GTF2F2: variants seen among roughly 807,000 people sequenced by gnomAD.
The protein encoded by GTF2F2 is general transcription factor IIF subunit 2, also known as ATP-dependent helicase GTF2F2.
GTF2F2 carries 23 observed loss-of-function variants against 42.2 expected under a neutral mutation model. The observed-to-expected ratio is 0.55, with a 90% CI of 0.39 to 0.77. The LOEUF (loss-of-function observed/expected upper bound fraction) is 0.77. Among genes scored for constraint, GTF2F2 ranks in the 30% least tolerant of loss-of-function variants. The pLI is 0.00. For synonymous variants in GTF2F2, 105 were observed against 100.8 expected (o/e 1.04, Z -0.25); for missense variants, 261 against 287.2 (o/e 0.91, Z 0.66).
chr13:45,196,541 G>A lies in GTF2F2; in HGVS notation c.305-10883G>A, dbSNP rs561395646. 4.6e-5 allele frequency among the ~76,000 whole-genome samples: 7 copies of A among 152,320 alleles called. No homozygotes were observed. In the South Asian group the frequency reaches 1.2e-3, roughly 27 times the overall value. On this transcript the variant is annotated intron_variant, in intron 4 of 7. Transcript: ENST00000340473. ...TGTGTTACCATTACAAATAGTCACT[G>A]CACATGAGTAGCATCATATAATAGC...
intron 1 of GTF2F2, among the ~76,000 whole-genome samples, chr13:45,124,323 C>T (rs960821775): frequency 3.4e-4 from 51 of 151,184 alleles, no homozygotes; most frequent in Non-Finnish European, 6.7e-4. Context: ...ACCTTGTGAT[C>T]CACCCGCCTC....
intron 5 of GTF2F2, among the ~76,000 whole-genome samples, chr13:45,212,481 T>C (rs1331049113): frequency 2.4e-5 from 3 of 125,140 alleles, no homozygotes; most frequent in African/African-American, 8.9e-5. Flanking sequence ...CTTTCTTTCT[T>C]TCTTTCTTTC....
intron 4 of GTF2F2, among the ~76,000 whole-genome samples, chr13:45,162,433 G>T (rs899136234): frequency 1.9e-4 from 29 of 152,178 alleles, no homozygotes; most frequent in Admixed American, 1.9e-3. Context: ...ATACTTGTGA[G>T]GAGGAACAAA....
chr13:45,172,910 A>G (rs554941263), intron 4 of GTF2F2, among the ~76,000 whole-genome samples: 2 of 151,672 alleles, frequency 1.3e-5, no homozygotes, highest in South Asian at 4.2e-4. Context: ...TTTTTTTTTC[A>G]TGATTGTTGA....
At chr13:45,279,014 A>T (rs757920324) in intron 7 of GTF2F2, among the ~76,000 whole-genome samples, 4 of 151,252 alleles carry the variant, frequency 2.6e-5, no homozygotes, top group Non-Finnish European at 4.4e-5. Flanking sequence ...GGTAGAGACG[A>T]GGTTTCTCCA....
chr13:45,281,336 G>A (rs1253346764), intron 7 of GTF2F2, among the ~76,000 whole-genome samples: 1 of 152,162 alleles, frequency 6.6e-6, no homozygotes, highest in Non-Finnish European at 1.5e-5. Flanking sequence ...GTACTAATCA[G>A]CTATTATGTT....
At chr13:45,201,474 T>G (rs1032956667) in intron 4 of GTF2F2, among the ~76,000 whole-genome samples, 2 of 152,176 alleles carry the variant, frequency 1.3e-5, no homozygotes, top group Non-Finnish European at 2.9e-5. Flanking sequence ...ATCTCAGACA[T>G]TCTAGTAATA....
intron 4 of GTF2F2, among the ~76,000 whole-genome samples, chr13:45,181,516 A>G (rs996072780): frequency 6.6e-6 from 1 of 152,108 alleles, no homozygotes; most frequent in African/African-American, 2.4e-5. Flanking sequence ...CTTAAAGACA[A>G]TTATTAGGTT....
chr13:45,175,442 T>A (rs1372263509), intron 4 of GTF2F2, among the ~76,000 whole-genome samples: 3 of 152,240 alleles, frequency 2.0e-5, no homozygotes, highest in Admixed American at 2.0e-4. Flanking sequence ...TTCCTTTCTC[T>A]TGGATATACA....
chr13:45,194,642 C>A, intron 4 of GTF2F2: 1 of 1,309,392 alleles, frequency 7.6e-7, no homozygotes, highest in Non-Finnish European at 1.1e-6. Flanking sequence ...CACACAAGCA[C>A]GCCTTTATTC....
At chr13:45,136,943 G>A (rs1869658479) in intron 2 of GTF2F2, 137 bp downstream of exon 2, 1 of 620,184 alleles carries the variant, frequency 1.6e-6, no homozygotes, top group Non-Finnish European at 2.9e-6. Flanking sequence ...GGCTTGTCAG[G>A]AGATGGTTAG....
At chr13:45,139,073 G>C (rs1439993667) in intron 2 of GTF2F2, among the ~76,000 whole-genome samples, 6 of 152,308 alleles carry the variant, frequency 3.9e-5, no homozygotes, top group Non-Finnish European at 7.3e-5. Flanking sequence ...TTTTTAGTTA[G>C]CTGTGACTAT....
At chr13:45,175,138 T>C (rs926000030) in intron 4 of GTF2F2, among the ~76,000 whole-genome samples, 5 of 152,312 alleles carry the variant, frequency 3.3e-5, no homozygotes, top group African/African-American at 1.2e-4. Flanking sequence ...CACTATTCTA[T>C]CTCCTTCTGT....
intron 2 of GTF2F2, among the ~76,000 whole-genome samples, chr13:45,143,055 T>C (rs1258604159): frequency 6.6e-6 from 1 of 152,064 alleles, no homozygotes; most frequent in Non-Finnish European, 1.5e-5. Context: ...CATGGATGAA[T>C]AAGATCATTC....
chr13:45,184,176 G>A (rs1319024185), intron 4 of GTF2F2, among the ~76,000 whole-genome samples: 1 of 152,048 alleles, frequency 6.6e-6, no homozygotes, highest in Admixed American at 6.5e-5. Flanking sequence ...TTTCCCAGAA[G>A]AGTGATTTCT....
chr13:45,193,473 G>T lies in GTF2F2; in HGVS notation c.305-13951G>T, dbSNP rs181293675. The T allele has an allele frequency of 6.4e-5, 15 of 232,612 alleles. No homozygotes were observed. In the East Asian group the frequency reaches 1.3e-3, roughly 21 times the overall value. 14.4% of individuals were successfully genotyped at this position (232,612 alleles called of 1,614,324 possible). A position where few individuals can be genotyped will look rare whatever the true frequency, so the allele number is the denominator to read the frequency against. ...ATAATGTACATGCTTTCTTTTTTGT[G>T]CAAATACCCAAGACAATCTGAATTG... On this transcript the variant is annotated intron_variant, in intron 4 of 7. Transcript: ENST00000340473.
chr13:45,221,535 G>A (rs1172714925), intron 5 of GTF2F2, among the ~76,000 whole-genome samples: 1 of 152,194 alleles, frequency 6.6e-6, no homozygotes, highest in East Asian at 1.9e-4. Context: ...TGACAGTGGA[G>A]CATTAAATCA....
chr13:45,151,538 A>G (rs978002296), intron 3 of GTF2F2, 149 bp from the exon 4 acceptor site: 3 of 508,408 alleles, frequency 5.9e-6, no homozygotes, highest in Admixed American at 3.7e-5. Flanking sequence ...TTCTCTTTTT[A>G]TGACCAAGTA....
intron 2 of GTF2F2, among the ~76,000 whole-genome samples, chr13:45,147,706 C>A (rs535504022): frequency 6.6e-6 from 1 of 152,210 alleles, no homozygotes; most frequent in Admixed American, 6.5e-5. Context: ...AACAAATCTG[C>A]GGAAAAATCT....
Sources: gnomAD v4.1 joint callset for allele counts (sites outside exome capture counted in the v4.1 genomes callset) on GRCh38, gnomAD v4.1.1 for gene constraint, MANE v1.5 for transcripts, NCBI Gene and HGNC (gene_info 2026-07-23, HGNC 2026-07-21) for gene names.